Variants in MITF observed in about 807,000 individuals in gnomAD.
MITF encodes microphthalmia-associated transcription factor.
A neutral mutation model predicts 60.5 loss-of-function variants in MITF; 17 were observed. That is an observed-to-expected ratio of 0.28 (90% CI 0.19 to 0.42). The LOEUF is 0.42. MITF is among the 10% of genes least tolerant of loss of function. The pLI is 1.00. For missense variants in MITF, 622 were observed against 683.5 expected (o/e 0.91, Z 1.00); for synonymous variants, 260 against 248.5 (o/e 1.05, Z -0.43).
At chr3:69,769,034 T>C (rs2062349065) in intron 1 of MITF, among the ~76,000 whole-genome samples, 1 of 152,192 alleles carries the variant, frequency 6.6e-6, no homozygotes, top group Admixed American at 6.5e-5. Context: ...TTGGTGGCTG[T>C]GTGAGTTTGG....
At chr3:69,754,098 A>C (rs1459769502) in intron 1 of MITF, among the ~76,000 whole-genome samples, 1 of 151,882 alleles carries the variant, frequency 6.6e-6, no homozygotes, top group Non-Finnish European at 1.5e-5. Context: ...GCCTGATGGG[A>C]GGTGATTTGG....
intron 1 of MITF, among the ~76,000 whole-genome samples, chr3:69,756,712 T>C (rs1402118407): frequency 1.3e-5 from 2 of 152,206 alleles, no homozygotes; most frequent in Non-Finnish European, 2.9e-5. Context: ...ATTGCCACAC[T>C]GTCATCCACA....
intron 1 of MITF, among the ~76,000 whole-genome samples, chr3:69,747,642 T>C (rs904706954): frequency 5.9e-5 from 9 of 152,252 alleles, no homozygotes; most frequent in African/African-American, 1.9e-4. Flanking sequence ...TTAATCTTTG[T>C]TATAAGTGTT....
intron 2 of MITF, among the ~76,000 whole-genome samples, chr3:69,916,108 A>T (rs1007884280): frequency 3.3e-5 from 5 of 152,204 alleles, no homozygotes; most frequent in Admixed American, 2.6e-4. Context: ...TTAAAATAAA[A>T]TTATCCCAGT....
chr3:69,882,873 C>A (rs748947637), intron 2 of MITF, among the ~76,000 whole-genome samples: 1 of 152,132 alleles, frequency 6.6e-6, no homozygotes, highest in Non-Finnish European at 1.5e-5. Context: ...GATTTCTTCC[C>A]CTACTACCTT....
In MITF at chr3:69,868,146, G is replaced by C. The variant is rs79113490; in HGVS notation, c.105-10988G>C. On this transcript the variant is annotated intron_variant, in intron 1 of 9. Transcript: ENST00000352241. ...ATTTCAGGAATTAAAACACAGACTA[G>C]AAGAATTCATTGCCTAACTTTTACT... 3.8e-4 allele frequency among the ~76,000 whole-genome samples: 58 copies of C among 152,310 alleles called. No individual in the cohort carries two copies. The East Asian group carries it at 0.011, about 29-fold the overall frequency.
intron 2 of MITF, among the ~76,000 whole-genome samples, chr3:69,923,411 C>T (rs983415568): frequency 6.6e-6 from 1 of 152,180 alleles, no homozygotes; most frequent in African/African-American, 2.4e-5. Context: ...TTGATGCGAT[C>T]TTGGCTCATT....
chr3:69,962,775 A>G (rs2066582303), intron 9 of MITF, among the ~76,000 whole-genome samples: 2 of 151,990 alleles, frequency 1.3e-5, no homozygotes, highest in African/African-American at 4.8e-5. Context: ...CTTGGAAGGC[A>G]TTTTGCAATG....
rs943188965 is a variant in MITF at position 69,773,227 on chromosome 3, G to A, written c.104+33526G>A. 2.6e-5 allele frequency among the ~76,000 whole-genome samples: 4 copies of A among 152,184 alleles called. No homozygotes were observed. In the East Asian group the frequency reaches 7.7e-4, roughly 29 times the overall value. The stretch of plus-strand genomic sequence containing the variant: ...TAACAGCATCATGGCCACAGCGGCT[G>A]GACCAGGCTGAGCAAAGTGGGGAGT... On this transcript the variant is annotated intron_variant, in intron 1 of 9. Transcript: ENST00000352241.
intron 2 of MITF, among the ~76,000 whole-genome samples, chr3:69,930,893 A>G (rs2065707389): frequency 6.6e-6 from 1 of 152,236 alleles, no homozygotes; most frequent in Admixed American, 6.5e-5. Flanking sequence ...AGGACAATTG[A>G]GTATACTCTC....
At chr3:69,849,859 A>G (rs773281965) in intron 1 of MITF, among the ~76,000 whole-genome samples, 2 of 152,062 alleles carry the variant, frequency 1.3e-5, no homozygotes, top group African/African-American at 2.4e-5. Context: ...ATACCTCTCA[A>G]TCTTCAGGAC....
At chr3:69,750,791 G>T (rs1703909559) in intron 1 of MITF, among the ~76,000 whole-genome samples, 1 of 152,156 alleles carries the variant, frequency 6.6e-6, no homozygotes, top group South Asian at 2.1e-4. Flanking sequence ...GGTGGTGATG[G>T]TGTTGGGAGT....
At chr3:69,759,255 G>A (rs565873484) in intron 1 of MITF, among the ~76,000 whole-genome samples, 2 of 152,188 alleles carry the variant, frequency 1.3e-5, no homozygotes, top group African/African-American at 4.8e-5. Context: ...TGAACTTGTG[G>A]CCAGCAGCAC....
At chr3:69,914,615 C>G (rs1167031823) in intron 2 of MITF, among the ~76,000 whole-genome samples, 1 of 152,150 alleles carries the variant, frequency 6.6e-6, no homozygotes, top group Non-Finnish European at 1.5e-5. Context: ...TGACACCTAC[C>G]TGTCCCCCCC....
chr3:69,834,674 C>T (rs191864326), intron 1 of MITF, among the ~76,000 whole-genome samples: 3 of 152,120 alleles, frequency 2.0e-5, no homozygotes, highest in Admixed American at 2.0e-4. Flanking sequence ...ATTTCATTTC[C>T]TTTAGATATA....
At chr3:69,789,141 C>T (rs1401921829) in intron 1 of MITF, among the ~76,000 whole-genome samples, 1 of 152,116 alleles carries the variant, frequency 6.6e-6, no homozygotes, top group Non-Finnish European at 1.5e-5. Flanking sequence ...ATGAATGCTA[C>T]TCCATTAAAC....
chr3:69,871,018 G>A (rs752035890), intron 1 of MITF, among the ~76,000 whole-genome samples: 10 of 152,122 alleles, frequency 6.6e-5, no homozygotes, highest in African/African-American at 9.7e-5. Flanking sequence ...ATTGGCCCTC[G>A]TGAAGTCCTT....
chr3:69,862,101 G>A (rs973189470), intron 1 of MITF, among the ~76,000 whole-genome samples: 1 of 151,732 alleles, frequency 6.6e-6, no homozygotes, highest in Non-Finnish European at 1.5e-5. Context: ...TTCTAGACTT[G>A]ACTTCACTTT....
chr3:69,763,414 A>G (rs1575677848), intron 1 of MITF: 2 of 576,576 alleles, frequency 3.5e-6, no homozygotes, highest in Non-Finnish European at 4.6e-6. Context: ...TGTAAAGTCT[A>G]TTTTACCTTT....
Sources: gnomAD v4.1 joint callset for allele counts (sites outside exome capture counted in the v4.1 genomes callset) on GRCh38, gnomAD v4.1.1 for gene constraint, MANE v1.5 for transcripts, NCBI Gene and HGNC (gene_info 2026-07-23, HGNC 2026-07-21) for gene names.